The following FRMD4A variants were observed in gnomAD, a reference collection of about 807,000 sequenced individuals.
FRMD4A encodes the protein FERM domain containing 4A.
A neutral mutation model predicts 129.1 loss-of-function variants in FRMD4A; 29 were observed. That is an observed-to-expected ratio of 0.22 (90% CI 0.17 to 0.31). The LOEUF (loss-of-function observed/expected upper bound fraction) is 0.31. Ranked by LOEUF, FRMD4A falls within the 10% of genes least tolerant of loss-of-function variation. The pLI is 1.00. For missense variants in FRMD4A, 1,272 were observed against 1,375.8 expected (o/e 0.92, Z 1.19); for synonymous variants, 634 against 571.6 (o/e 1.11, Z -1.56).
At chr10:14,099,842 G>A (rs116343756) in intron 2 of FRMD4A, among the ~76,000 whole-genome samples, 1,917 of 152,112 alleles carry the variant, frequency 0.013, 34 homozygotes, top group African/African-American at 0.043. Flanking sequence ...GTCCAGGCTG[G>A]CCTCAAACTC....
chr10:14,051,527 A>G (rs939395988), intron 2 of FRMD4A, among the ~76,000 whole-genome samples: 2 of 152,180 alleles, frequency 1.3e-5, no homozygotes, highest in African/African-American at 2.4e-5. Flanking sequence ...GTTGGTGCCC[A>G]CTTGGATTGC....
chr10:13,778,770 C>T (rs74121617), intron 6 of FRMD4A, among the ~76,000 whole-genome samples: 2,309 of 152,180 alleles, frequency 0.015, 63 homozygotes, highest in African/African-American at 0.053. Flanking sequence ...GGAGAGCCTC[C>T]CTCCAGGGTG....
At chr10:13,766,257 C>T (rs1316261290) in intron 6 of FRMD4A, among the ~76,000 whole-genome samples, 1 of 152,146 alleles carries the variant, frequency 6.6e-6, no homozygotes, top group Non-Finnish European at 1.5e-5. Context: ...AAATATCTAA[C>T]CTGATTGATT....
intron 2 of FRMD4A, among the ~76,000 whole-genome samples, chr10:13,974,954 T>C (rs986665201): frequency 2.0e-5 from 3 of 152,190 alleles, no homozygotes; most frequent in African/African-American, 7.2e-5. Context: ...CAAAGGGATT[T>C]AGAAACCTCA....
At chr10:14,196,805 C>T (rs181889563) in intron 2 of FRMD4A, among the ~76,000 whole-genome samples, 61 of 152,266 alleles carry the variant, frequency 4.0e-4, no homozygotes, top group African/African-American at 1.4e-3. Context: ...AAATATAAAG[C>T]GCTAGACAAT....
chr10:13,674,789 C>G, intron 16 of FRMD4A, 122 bp downstream of exon 16: 1 of 1,124,190 alleles, frequency 8.9e-7, no homozygotes, highest in Non-Finnish European at 1.3e-6. Flanking sequence ...CTACCCTTGC[C>G]TTCTGTCAAA....
chr10:13,651,456 C>A, intron 24 of FRMD4A: 1 of 162,830 alleles, frequency 6.1e-6, no homozygotes, highest in Non-Finnish European at 1.3e-5. Flanking sequence ...TGGGGCCAGG[C>A]GCACAGATCA....
chr10:14,170,122 T>G (rs1841399178), intron 2 of FRMD4A, among the ~76,000 whole-genome samples: 1 of 152,348 alleles, frequency 6.6e-6, no homozygotes, highest in Non-Finnish European at 1.5e-5. Context: ...TAAGGAGCCA[T>G]AGAGCTTTGA....
chr10:14,268,618 C>G (rs749090671), intron 2 of FRMD4A, among the ~76,000 whole-genome samples: 47 of 152,320 alleles, frequency 3.1e-4, no homozygotes, highest in Non-Finnish European at 5.1e-4. Flanking sequence ...TGAAGATTAA[C>G]TAATATTTTG....
At chr10:13,855,861 A>T (rs1160065013) in intron 3 of FRMD4A, among the ~76,000 whole-genome samples, 1 of 152,154 alleles carries the variant, frequency 6.6e-6, no homozygotes, top group Non-Finnish European at 1.5e-5. Flanking sequence ...CAGAGGAGAA[A>T]AAAAAGAGTG....
At chr10:13,672,704 T>C (rs919273145) in intron 16 of FRMD4A, among the ~76,000 whole-genome samples, 6 of 148,518 alleles carry the variant, frequency 4.0e-5, no homozygotes, top group African/African-American at 1.6e-4. Flanking sequence ...TCCTGCCAAA[T>C]GCTCTCCCCC....
chr10:14,317,904 ATT>A (rs745386100), intron 2 of FRMD4A, among the ~76,000 whole-genome samples: 1 of 152,090 alleles, frequency 6.6e-6, no homozygotes, highest in Non-Finnish European at 1.5e-5. Context: ...GTTTTAATGC[ATT>A]TTCTTGCTAG....
At chr10:14,175,389 A>G (rs889834672) in intron 2 of FRMD4A, among the ~76,000 whole-genome samples, 1 of 152,022 alleles carries the variant, frequency 6.6e-6, no homozygotes, top group Non-Finnish European at 1.5e-5. Flanking sequence ...CTCTTCCTTC[A>G]TTGATGCTTT....
intron 2 of FRMD4A, among the ~76,000 whole-genome samples, chr10:13,910,888 GAAAAAAAA>G (rs141449954): frequency 2.4e-5 from 2 of 83,098 alleles, no homozygotes; most frequent in African/African-American, 1.0e-4. Context: ...GGAGTTTCAT[GAAAAAAAA>G]AAAAAAAAAA....
At chr10:13,937,817 C>G (rs2095260763) in intron 2 of FRMD4A, among the ~76,000 whole-genome samples, 1 of 152,210 alleles carries the variant, frequency 6.6e-6, no homozygotes. Flanking sequence ...AGACAAATCT[C>G]TTAATTGTAA....
rs1564840892 is a variant in FRMD4A at position 13,810,820 on chromosome 10, T to C, written c.200A>G (p.Asp67Gly). 7 of 1,547,900 alleles carry C rather than the reference T, an allele frequency of 4.5e-6. No individual in the cohort carries two copies. The highest frequency in any genetic ancestry group is 6.2e-6 in the Non-Finnish European group (7 of 1,120,520). The change falls in exon 4 of 25, where the codon GAT (aspartate) becomes GGT (glycine). Residue 67 changes from aspartate (D) to glycine (G), a missense_variant. Physicochemically the swap from Asp to Gly is moderately conservative, Grantham distance 94. This residue lies in a region of FRMD4A where 300 missense variants were observed against 483.6 expected (regional missense o/e 0.62). Coordinates refer to ENST00000357447, the MANE Select transcript of FRMD4A (RefSeq NM_018027.5). Reference sequence around the variant, plus strand: ...GGCTCAAGGCAGTACTTACGTTTCATCTGTGAATGCTATTCCAAAGTACTC... The same window carrying C: ...GGCTCAAGGCAGTACTTACGTTTCACCTGTGAATGCTATTCCAAAGTACTC... The part of the protein sequence containing the change: ...EKEYFGIAFT[D>G]ETGHLNWLQL...
At chr10:14,231,885 G>T (rs1228681037) in intron 2 of FRMD4A, among the ~76,000 whole-genome samples, 1 of 152,132 alleles carries the variant, frequency 6.6e-6, no homozygotes, top group Non-Finnish European at 1.5e-5. Flanking sequence ...TAGGTTGTCT[G>T]TTTACTCTGT....
intron 2 of FRMD4A, among the ~76,000 whole-genome samples, chr10:14,208,232 C>A (rs1473597433): frequency 6.6e-6 from 1 of 152,016 alleles, no homozygotes; most frequent in Non-Finnish European, 1.5e-5. Context: ...AAACAAAAAC[C>A]AAAGTTATTG....
At chr10:13,779,004 CATTTATTT>C (rs66555199) in intron 6 of FRMD4A, among the ~76,000 whole-genome samples, 1 of 151,304 alleles carries the variant, frequency 6.6e-6, no homozygotes, top group Non-Finnish European at 1.5e-5. Flanking sequence ...CTGGGCTTTA[CATTTATTT>C]ATTTATTTAT....
Sources: allele counts gnomAD v4.1 joint callset (sites outside exome capture counted in the v4.1 genomes callset), GRCh38; gene constraint gnomAD v4.1.1; regional missense constraint gnomAD v4.1.1; transcripts MANE v1.5; gene names NCBI Gene and HGNC (gene_info 2026-07-23, HGNC 2026-07-21).